The following SHF variants were observed in gnomAD, a reference collection of about 807,000 sequenced individuals.
The protein encoded by SHF is Src homology 2 domain containing F.
A neutral mutation model predicts 42.4 loss-of-function variants in SHF; 30 were observed. The ratio of observed to expected loss-of-function variants is 0.71; its 90% CI spans 0.53 to 0.96. SHF has a LOEUF of 0.96. Among genes scored for constraint, SHF ranks in the 40% least tolerant of loss-of-function variants. The probability of loss-of-function intolerance (pLI) is 0.00; values close to 1 mark genes in which losing one functional copy is unlikely to be tolerated. For synonymous variants in SHF, 264 were observed against 269.9 expected, an observed-to-expected ratio of 0.98 and a Z score of 0.21; for missense variants, 598 against 634.0, an observed-to-expected ratio of 0.94 and a Z score of 0.61.
upstream of SHF, among the ~76,000 whole-genome samples, chr15:45,188,180 G>C (rs1030008706): frequency 2.6e-5 from 4 of 152,184 alleles, no homozygotes; most frequent in African/African-American, 7.2e-5. Context: ...GGCAGCCCTG[G>C]GGCAGAGGAT....
At chr15:45,174,084 A>C in intron 3 of SHF, 2 of 235,714 alleles carry the variant, frequency 8.5e-6, no homozygotes, top group Non-Finnish European at 1.7e-5. Context: ...CCAACACCAC[A>C]TCTGGGTTCC....
intron 1 of SHF, among the ~76,000 whole-genome samples, chr15:45,186,964 G>A (rs1037911726): frequency 6.6e-6 from 1 of 152,246 alleles, no homozygotes; most frequent in Non-Finnish European, 1.5e-5. Flanking sequence ...GCTTAGGCTG[G>A]AGAAACAGGA....
chr15:45,198,553 A>T (rs749686672), intron 2 of SHF: 2 of 528,036 alleles, frequency 3.8e-6, no homozygotes, highest in Non-Finnish European at 6.4e-6. Flanking sequence ...ATAAAATGTT[A>T]CAAAAAAGGG....
In SHF at chr15:45,175,238, C is replaced by G. The variant is rs1235625630; in HGVS notation, c.828G>C (p.Arg276=). ...ACTCACCTGCAAAGGCTTTGGAAATCCGCTCCTTCTTCCACTCCCAGGGCT... is the reference window on the plus strand; with the variant it reads ...ACTCACCTGCAAAGGCTTTGGAAATGCGCTCCTTCTTCCACTCCCAGGGCT... ...YDQPWEWKKE[R]ISKAFAVDIK... Residue 276 remains arginine, a synonymous_variant, in exon 3 of 7, where the codon CGG becomes CGC. Coordinates refer to ENST00000690270, the MANE Select transcript of SHF (RefSeq NM_001394037.1). 1 of 1,610,310 alleles carries G rather than the reference C, an allele frequency of 6.2e-7. No homozygotes were observed. Among genetic ancestry groups the G allele is most frequent in the Non-Finnish European group, 8.5e-7 (1 of 1,178,972 alleles).
At chr15:45,198,638 C>T (rs148091456) in intron 2 of SHF, 149 of 1,132,598 alleles carry the variant, frequency 1.3e-4, no homozygotes, top group African/African-American at 7.4e-4. Flanking sequence ...GAGGTTGCTG[C>T]GGCCACAACG....
At chr15:45,198,098 A>T (rs533674215) in intron 2 of SHF, among the ~76,000 whole-genome samples, 126 of 151,974 alleles carry the variant, frequency 8.3e-4, no homozygotes, top group East Asian at 2.5e-3. Flanking sequence ...AATTTTTTTT[A>T]AAATTAAAAA....
In SHF at chr15:45,187,737, G is replaced by T; in HGVS notation, c.215C>A (p.Pro72His). ...GGGGGSKPAP[P>H]EPDYRPPAPS... ...CGCAGGGGGGCGGTAGTCGGGCTCG[G>T]GGGGCGCCGGCTTGCTGCCCCCTCC... Residue 72 changes from proline to histidine, a missense_variant, in exon 1 of 7, where the codon CCC (proline) becomes CAC (histidine). By Grantham distance (77) the Pro-to-His change is moderately conservative (BLOSUM62 -2). This residue lies in a region of SHF where 159 missense variants were observed against 109.3 expected (regional missense o/e 1.45). Coordinates refer to ENST00000690270, the MANE Select transcript of SHF (RefSeq NM_001394037.1). 1 of 983,486 alleles carries T rather than the reference G, an allele frequency of 1.0e-6. No individual in the cohort carries two copies. Among genetic ancestry groups the T allele is most frequent in the Non-Finnish European group, 1.3e-6 (1 of 766,264 alleles). The allele number at this position is 983,486 out of a possible 1,614,324, so 60.9% of individuals were successfully genotyped here. A position where few individuals can be genotyped will look rare whatever the true frequency, so the allele number is the denominator to read the frequency against.
chr15:45,198,797 A>G (rs1190060642), exon 2 of SHF: 7 of 1,613,442 alleles, frequency 4.3e-6, no homozygotes, highest in Non-Finnish European at 5.9e-6. Flanking sequence ...CCTGTCCCTG[A>G]GTCTGATAAT....
intron 2 of SHF, among the ~76,000 whole-genome samples, chr15:45,177,377 C>A (rs1897868419): frequency 6.6e-6 from 1 of 152,120 alleles, no homozygotes; most frequent in African/African-American, 2.4e-5. Context: ...ACACATAAGC[C>A]CATTGCAGTG....
chr15:45,184,748 C>G (rs1476957920), intron 1 of SHF, among the ~76,000 whole-genome samples: 1 of 152,280 alleles, frequency 6.6e-6, no homozygotes, highest in East Asian at 1.9e-4. Flanking sequence ...CTCTAGCCCC[C>G]ACTGCCAGAG....
intron 1 of SHF, among the ~76,000 whole-genome samples, chr15:45,182,031 T>C (rs72724265): frequency 0.012 from 1,848 of 152,276 alleles, 30 homozygotes; most frequent in Non-Finnish European, 0.013. Context: ...ATATTGTGTC[T>C]GTTCCAATTG....
At chr15:45,170,266 C>T in intron 6 of SHF, 1 of 1,066,504 alleles carries the variant, frequency 9.4e-7, no homozygotes, top group South Asian at 1.6e-5. Context: ...AAGTAACAAA[C>T]CTCTTTGAAT....
intron 1 of SHF, among the ~76,000 whole-genome samples, chr15:45,185,272 A>G (rs1429548073): frequency 1.3e-5 from 2 of 152,232 alleles, no homozygotes; most frequent in Non-Finnish European, 2.9e-5. Flanking sequence ...AACAGAAAAC[A>G]GGGAGAAAGC....
intron 2 of SHF, among the ~76,000 whole-genome samples, chr15:45,197,830 A>G (rs928532444): frequency 1.6e-3 from 14 of 8,570 alleles, no homozygotes; most frequent in South Asian, 0.04. Context: ...ACCTCAGGAA[A>G]AAAAAAAAAA....
intron 6 of SHF, chr15:45,170,486 G>C (rs188798797): frequency 8.0e-7 from 1 of 1,248,816 alleles, no homozygotes; most frequent in Non-Finnish European, 1.0e-6. Flanking sequence ...ATGACAGCTG[G>C]AAAAAAAGCG....
chr15:45,198,892 C>T (rs1898971461), exon 2 of SHF: 10 of 1,613,908 alleles, frequency 6.2e-6, no homozygotes, highest in Non-Finnish European at 8.5e-6. Flanking sequence ...ATGAGATGGG[C>T]TCCCGGTGAG....
At chr15:45,175,196 C>A in intron 3 of SHF, 23 bp downstream of exon 3, 1 of 1,594,164 alleles carries the variant, frequency 6.3e-7, no homozygotes. Context: ...CCCAGCTGAC[C>A]TGCCCTCTCC....
chr15:45,187,321 G>C (rs998828088), intron 1 of SHF, 133 bp downstream of exon 1: 6 of 877,946 alleles, frequency 6.8e-6, no homozygotes, highest in South Asian at 6.0e-5. Flanking sequence ...TCGGAACCCC[G>C]GGGTCAGGGG....
chr15:45,193,633 T>C (rs62026663), intron 2 of SHF, among the ~76,000 whole-genome samples: 10,487 of 152,204 alleles, frequency 0.069, 471 homozygotes, highest in Middle Eastern at 0.11. Context: ...CACAAGGAAA[T>C]TCCTTGTGGG....
Sources: allele counts gnomAD v4.1 joint callset (sites outside exome capture counted in the v4.1 genomes callset), GRCh38; gene constraint gnomAD v4.1.1; regional missense constraint gnomAD v4.1.1; transcripts MANE v1.5; gene names NCBI Gene and HGNC (gene_info 2026-07-23, HGNC 2026-07-21).